FBXL17: variants seen among roughly 807,000 people sequenced by gnomAD.
FBXL17 encodes F-box and leucine rich repeat protein 17, also known as F-box/LRR-repeat protein 17.
A neutral mutation model predicts 66.2 loss-of-function variants in FBXL17; 22 were observed. The ratio of observed to expected loss-of-function variants is 0.33; its 90% CI spans 0.24 to 0.47. The LOEUF (loss-of-function observed/expected upper bound fraction) is 0.47, where lower values mean the gene tolerates loss of function less well. Ranked by LOEUF, FBXL17 falls within the 20% of genes least tolerant of loss-of-function variation. The pLI is 1.00. For missense variants in FBXL17, 878 were observed against 948.2 expected (o/e 0.93, Z 0.97); for synonymous variants, 474 against 400.5 (o/e 1.18, Z -2.19).
rs530952425 is a variant in FBXL17 at position 108,374,769 on chromosome 5, T to C, written c.993+5930A>G. ...GAAATCTGGAAATTTCACAAATACA[T>C]GAAAATTTAACAATCAACAAGTAAG... On this transcript the variant is annotated intron_variant, in intron 1 of 8. Transcript: ENST00000542267. Among the ~76,000 whole-genome samples, 3 of 151,818 alleles carry C rather than the reference T, an allele frequency of 2.0e-5. No individual in the cohort carries two copies. In the East Asian group the frequency reaches 5.8e-4, roughly 29 times the overall value.
chr5:107,928,522 A>G (rs959658358), intron 7 of FBXL17, among the ~76,000 whole-genome samples: 10 of 152,002 alleles, frequency 6.6e-5, no homozygotes, highest in Admixed American at 3.9e-4. Flanking sequence ...ATTACATTTA[A>G]TTGTACATAC....
chr5:107,965,444 T>C (rs1172645652), intron 7 of FBXL17, among the ~76,000 whole-genome samples: 2 of 152,142 alleles, frequency 1.3e-5, no homozygotes, highest in Non-Finnish European at 2.9e-5. Flanking sequence ...AATCAATTCA[T>C]TGTTTCGATT....
intron 7 of FBXL17, among the ~76,000 whole-genome samples, chr5:107,922,316 A>AT (rs1479817076): frequency 2.0e-5 from 3 of 151,960 alleles, no homozygotes; most frequent in Non-Finnish European, 2.9e-5. Flanking sequence ...TATCTTTTTT[A>AT]TTTTTTCCTA....
chr5:108,238,856 G>A (rs1420355792), intron 4 of FBXL17, among the ~76,000 whole-genome samples: 3 of 152,022 alleles, frequency 2.0e-5, no homozygotes, highest in East Asian at 3.9e-4. Context: ...TGTGGTTAAC[G>A]TGGAAAGCAG....
intron 7 of FBXL17, among the ~76,000 whole-genome samples, chr5:108,006,121 A>T (rs760955629): frequency 1.4e-4 from 21 of 152,230 alleles, no homozygotes; most frequent in Non-Finnish European, 2.8e-4. Flanking sequence ...GAGGCGAGGC[A>T]CCGGAATGTT....
At chr5:108,344,085 A>G (rs1465115073) in intron 4 of FBXL17, among the ~76,000 whole-genome samples, 1 of 152,222 alleles carries the variant, frequency 6.6e-6, no homozygotes, top group African/African-American at 2.4e-5. Flanking sequence ...TCACATGAGT[A>G]AGAAACAGCA....
At chr5:108,184,483 A>AT (rs35410417) in intron 6 of FBXL17, among the ~76,000 whole-genome samples, 2 of 151,750 alleles carry the variant, frequency 1.3e-5, no homozygotes, top group East Asian at 3.9e-4. Context: ...ATTTTTTTGT[A>AT]TTTTTAGTAG....
At chr5:107,905,512 T>C (rs1749722958) in intron 7 of FBXL17, among the ~76,000 whole-genome samples, 1 of 152,162 alleles carries the variant, frequency 6.6e-6, no homozygotes, top group African/African-American at 2.4e-5. Context: ...GACATTTGTT[T>C]GCTATTTGTG....
rs77273861 is a variant in FBXL17, at chr5:107,949,437, T to G, written c.1823-68258A>C. ...GATCTGGAAGAGTAGATAGACAAGA[T>G]ATTTCAAATATTTGAAAAATCTTTT... is the stretch of plus-strand genomic sequence containing the variant. On this transcript the variant is annotated intron_variant, in intron 7 of 8. Transcript: ENST00000542267. Among the ~76,000 whole-genome samples, 316 of 152,224 alleles carry G rather than the reference T, an allele frequency of 2.1e-3. 2 individuals carry two copies. The highest frequency in any genetic ancestry group is 7.4e-3 in the African/African-American group (307 of 41,550).
At chr5:107,953,121 G>C (rs1012209991) in intron 7 of FBXL17, among the ~76,000 whole-genome samples, 15 of 152,074 alleles carry the variant, frequency 9.9e-5, no homozygotes, top group African/African-American at 3.6e-4. Context: ...GGCAGATGTA[G>C]GCCGGGCGCT....
At chr5:107,883,803 T>C (rs1035373255) in intron 7 of FBXL17, among the ~76,000 whole-genome samples, 2 of 152,030 alleles carry the variant, frequency 1.3e-5, no homozygotes, top group Non-Finnish European at 2.9e-5. Flanking sequence ...TAAGGGGGTG[T>C]AAGAGCCCCC....
intron 6 of FBXL17, among the ~76,000 whole-genome samples, chr5:108,154,966 C>A (rs1307173136): frequency 6.6e-6 from 1 of 151,852 alleles, no homozygotes; most frequent in Non-Finnish European, 1.5e-5. Context: ...ACCCTTCAGA[C>A]TTAATAAGAA....
chr5:108,360,280 C>A (rs1748261368), intron 3 of FBXL17, among the ~76,000 whole-genome samples: 1 of 152,124 alleles, frequency 6.6e-6, no homozygotes, highest in African/African-American at 2.4e-5. Context: ...CTATTAGTAA[C>A]AAACTCCTTT....
rs1337016826 is a variant in FBXL17 at position 108,246,479 on chromosome 5, T to G, written c.1507-22251A>C. ...TTGCAGTAAGCCATGATCATGCCAC[T>G]GCACTCCACCCTAGCTGACCCTGTC... is the stretch of plus-strand genomic sequence containing the variant. On this transcript the variant is annotated intron_variant, in intron 4 of 8. Transcript: ENST00000542267. Among the ~76,000 whole-genome samples, 3 of 152,228 alleles carry G rather than the reference T, an allele frequency of 2.0e-5. No individual in the cohort carries two copies. The East Asian group carries it at 5.8e-4, about 29-fold the overall frequency.
intron 7 of FBXL17, among the ~76,000 whole-genome samples, chr5:107,996,187 TCTC>T: frequency 6.6e-6 from 1 of 152,222 alleles, no homozygotes; most frequent in Non-Finnish European, 1.5e-5. Context: ...CTTGCTGAGT[TCTC>T]CTGTCCAAAT....
intron 4 of FBXL17, among the ~76,000 whole-genome samples, chr5:108,255,278 A>G (rs901178096): frequency 6.6e-6 from 1 of 152,186 alleles, no homozygotes; most frequent in Admixed American, 6.6e-5. Flanking sequence ...CATGCAGCAT[A>G]TTTTAATATA....
chr5:107,915,047 G>A (rs920240462), intron 7 of FBXL17, among the ~76,000 whole-genome samples: 4 of 151,834 alleles, frequency 2.6e-5, no homozygotes, highest in Non-Finnish European at 4.4e-5. Context: ...CTTTGATGAA[G>A]AAGATAATAA....
intron 5 of FBXL17, among the ~76,000 whole-genome samples, chr5:108,210,346 C>T (rs985017436): frequency 6.6e-6 from 1 of 152,086 alleles, no homozygotes; most frequent in Non-Finnish European, 1.5e-5. Context: ...TTCTTGTCTT[C>T]TACTAGACTT....
At chr5:108,327,349 T>C (rs1759907003) in intron 4 of FBXL17, among the ~76,000 whole-genome samples, 1 of 152,182 alleles carries the variant, frequency 6.6e-6, no homozygotes, top group African/African-American at 2.4e-5. Context: ...CCAGCACATT[T>C]CAGTTATAAG....
Sources: gnomAD v4.1 joint callset for allele counts (sites outside exome capture counted in the v4.1 genomes callset) on GRCh38, gnomAD v4.1.1 for gene constraint, MANE v1.5 for transcripts, NCBI Gene and HGNC (gene_info 2026-07-23, HGNC 2026-07-21) for gene names.